GTF2IRD1: variants seen among roughly 807,000 people sequenced by gnomAD.
GTF2IRD1 encodes general transcription factor II-I repeat domain-containing protein 1.
In GTF2IRD1, 26 loss-of-function variants were observed where a neutral mutation model predicts 113.2. The observed-to-expected ratio is 0.23, with a 90% CI of 0.17 to 0.32. The LOEUF is 0.32. GTF2IRD1 is among the 10% of genes least tolerant of loss of function. The probability of loss-of-function intolerance (pLI) is 1.00; values close to 1 mark genes in which losing one functional copy is unlikely to be tolerated. For missense variants in GTF2IRD1, 864 were observed against 1,280.8 expected (o/e 0.67, Z 4.97); for synonymous variants, 484 against 529.1 (o/e 0.91, Z 1.17).
Position 74,521,210 on chromosome 7 carries a change from CAGA to C in GTF2IRD1, c.922_924del (p.Lys308del), listed in dbSNP as rs1797275300. On this transcript the variant is annotated inframe_deletion, in exon 7 of 27. Transcript: ENST00000424337. ...TCTTCCTTCTCTCCCTTGTCCAGGA[CAGA>C]AGCCCACTGGGCCTGGTGGGCCTCT... 3 of 1,583,258 alleles carry C rather than the reference CAGA, an allele frequency of 1.9e-6. No individual in the cohort carries two copies. The highest frequency in any genetic ancestry group is 2.6e-6 in the Non-Finnish European group (3 of 1,152,370).
At chr7:74,584,131 T>A (rs1801587781) in intron 22 of GTF2IRD1, among the ~76,000 whole-genome samples, 2 of 152,156 alleles carry the variant, frequency 1.3e-5, no homozygotes, top group African/African-American at 4.8e-5. Context: ...CCTGTGCTTT[T>A]TTCCAGAGTT....
intron 22 of GTF2IRD1, among the ~76,000 whole-genome samples, chr7:74,585,056 C>T (rs1801639366): frequency 6.6e-6 from 1 of 151,688 alleles, no homozygotes; most frequent in South Asian, 2.1e-4. Context: ...CCCACCTCGG[C>T]CTCCCAAAGT....
intron 2 of GTF2IRD1, among the ~76,000 whole-genome samples, chr7:74,508,409 G>A (rs1469576880): frequency 6.6e-6 from 1 of 152,166 alleles, no homozygotes; most frequent in African/African-American, 2.4e-5. Flanking sequence ...TCTAGCCCTG[G>A]GGCCGGGCAC....
intron 1 of GTF2IRD1, among the ~76,000 whole-genome samples, chr7:74,467,178 A>G (rs1244883979): frequency 6.6e-6 from 1 of 151,868 alleles, no homozygotes; most frequent in East Asian, 1.9e-4. Flanking sequence ...CAAACTCCTG[A>G]CCTCAAGTGA....
At chr7:74,586,998 C>G (rs1163442426) in intron 22 of GTF2IRD1, among the ~76,000 whole-genome samples, 3 of 151,972 alleles carry the variant, frequency 2.0e-5, no homozygotes, top group Non-Finnish European at 4.4e-5. Context: ...TTTAAAAAAA[C>G]TTAGTCTGGC....
chr7:74,553,956 C>T (rs1157792347), intron 17 of GTF2IRD1, among the ~76,000 whole-genome samples: 2 of 152,156 alleles, frequency 1.3e-5, no homozygotes, highest in Non-Finnish European at 2.9e-5. Flanking sequence ...GGCCCCGTGA[C>T]CCCAGCTCTG....
intron 9 of GTF2IRD1, among the ~76,000 whole-genome samples, chr7:74,530,661 T>C (rs1156639350): frequency 2.0e-5 from 3 of 150,944 alleles, no homozygotes; most frequent in African/African-American, 7.3e-5. Flanking sequence ...ACCCAAGTTT[T>C]CCTAACATAA....
At chr7:74,537,897 G>A (rs1295218036) in intron 11 of GTF2IRD1, among the ~76,000 whole-genome samples, 1 of 152,242 alleles carries the variant, frequency 6.6e-6, no homozygotes, top group Admixed American at 6.5e-5. Context: ...CCCCAGGAGA[G>A]TGAGCAGGTG....
intron 2 of GTF2IRD1, among the ~76,000 whole-genome samples, chr7:74,510,183 A>AG (rs1796543562): frequency 6.6e-6 from 1 of 151,828 alleles, no homozygotes; most frequent in South Asian, 2.1e-4. Context: ...TTTCATGAGG[A>AG]GGGGGCCCCA....
chr7:74,584,876 T>G (rs1271672443), intron 22 of GTF2IRD1, among the ~76,000 whole-genome samples: 2 of 152,044 alleles, frequency 1.3e-5, no homozygotes, highest in East Asian at 3.9e-4. Flanking sequence ...ATCTTGGCTC[T>G]CTGTAACCTC....
chr7:74,588,528 T>C (rs1403133409), intron 22 of GTF2IRD1, among the ~76,000 whole-genome samples: 1 of 151,862 alleles, frequency 6.6e-6, no homozygotes, highest in Non-Finnish European at 1.5e-5. Context: ...CATTTTTTGT[T>C]TGTTTGTTTG....
intron 22 of GTF2IRD1, among the ~76,000 whole-genome samples, chr7:74,584,857 G>A (rs782085403): frequency 1.1e-4 from 17 of 151,988 alleles, no homozygotes; most frequent in Non-Finnish European, 1.8e-4. Context: ...GCTGGAGTAC[G>A]ATGGCGCGAT....
At chr7:74,587,474 C>G (rs1425694657) in intron 22 of GTF2IRD1, among the ~76,000 whole-genome samples, 1 of 151,478 alleles carries the variant, frequency 6.6e-6, no homozygotes, top group Non-Finnish European at 1.5e-5. Context: ...AAACAGGAGT[C>G]ATTTTGCTCC....
chr7:74,521,248 C>T lies in GTF2IRD1; in HGVS notation c.957C>T (p.Asn319=), dbSNP rs201950263. The change falls in exon 7 of 27, where the codon AAC becomes AAT. Residue 319 remains asparagine (N), a synonymous_variant. Transcript: ENST00000424337. ...PTGPGGPLIQ[N]VHASKRILFS... The stretch of plus-strand genomic sequence containing the variant: ...GGCCTGGTGGGCCTCTCATCCAGAA[C>T]GTCCATGCCTCCAAGCGCATTCTCT... 7.4e-6 allele frequency: 12 copies of T among 1,611,792 alleles called. No homozygotes were observed. In the East Asian group the frequency reaches 8.9e-5, roughly 12 times the overall value.
At chr7:74,559,102 A>C in intron 21 of GTF2IRD1, 58 bp downstream of exon 21, 1 of 1,469,818 alleles carries the variant, frequency 6.8e-7, no homozygotes, top group Non-Finnish European at 9.4e-7. Flanking sequence ...GGGAGCTTGC[A>C]CCTGCGAATC....
At chr7:74,496,477 G>GTGCGTGGGTA (rs1795710975) in intron 1 of GTF2IRD1, among the ~76,000 whole-genome samples, 1 of 136,258 alleles carries the variant, frequency 7.3e-6, no homozygotes, top group Admixed American at 7.3e-5. Context: ...TCATGTGGGT[G>GTGCGTGGGTA]TGCACGTATG....
intron 1 of GTF2IRD1, among the ~76,000 whole-genome samples, chr7:74,492,358 A>G (rs1330950661): frequency 6.6e-6 from 1 of 151,298 alleles, no homozygotes; most frequent in Non-Finnish European, 1.5e-5. Context: ...TTTTAGTGGA[A>G]ACTGAGTTTC....
chr7:74,580,144 T>G (rs1801327290), intron 22 of GTF2IRD1, among the ~76,000 whole-genome samples: 1 of 152,298 alleles, frequency 6.6e-6, no homozygotes, highest in South Asian at 2.1e-4. Flanking sequence ...AAGCTGAACC[T>G]GAATGTAGCT....
Position 74,519,463 on chromosome 7 carries a change from C to T in GTF2IRD1, c.660C>T (p.Val220=), listed in dbSNP as rs148463467. Residue 220 remains valine (V), a synonymous_variant, in exon 6 of 27, where the codon GTC becomes GTT. Transcript: ENST00000424337. The part of the protein sequence containing the change: ...DSKALVELNG[V]SLIPKGSRDC... Reference sequence around the variant, plus strand: ...AGGCCCTGGTGGAGCTGAACGGTGTCTCCCTGATTCCCAAGGGGTCACGGG... The same window carrying T: ...AGGCCCTGGTGGAGCTGAACGGTGTTTCCCTGATTCCCAAGGGGTCACGGG... 275 of 1,588,990 alleles carry T rather than the reference C, an allele frequency of 1.7e-4. 1 individual carries two copies. The highest frequency in any genetic ancestry group is 7.3e-4 in the Admixed American group (41 of 56,324).
Sources: allele counts gnomAD v4.1 joint callset (sites outside exome capture counted in the v4.1 genomes callset), GRCh38; gene constraint gnomAD v4.1.1; transcripts MANE v1.5; gene names NCBI Gene and HGNC (gene_info 2026-07-23, HGNC 2026-07-21).